The following NUP98 variants were observed in gnomAD, a reference collection of about 807,000 sequenced individuals.
The protein encoded by NUP98 is nuclear pore complex protein Nup98-Nup96.
In NUP98, 26 loss-of-function variants were observed where a neutral mutation model predicts 191.9. The ratio of observed to expected loss-of-function variants is 0.14; its 90% CI spans 0.10 to 0.19. The LOEUF is 0.19. Ranked by LOEUF, NUP98 falls within the 10% of genes least tolerant of loss-of-function variation. The pLI, the probability that NUP98 is intolerant of heterozygous loss-of-function variation, is 1.00. For synonymous variants in NUP98, 808 were observed against 778.4 expected, an observed-to-expected ratio of 1.04 and a Z score of -0.63; for missense variants, 1,941 against 2,178.8, an observed-to-expected ratio of 0.89 and a Z score of 2.17.
rs533725963 is a variant in NUP98 at position 3,795,512 on chromosome 11, T to C, written c.-29+1888A>G. Among the ~76,000 whole-genome samples, 5 of 152,258 alleles carry C rather than the reference T, an allele frequency of 3.3e-5. No individual in the cohort carries two copies. The South Asian group carries it at 1.0e-3, about 32-fold the overall frequency. ...CATAACATATAAACAGCAGGAACTA[T>C]CTTATCTGGGCCCCATATTTCAGGA... On this transcript the variant is annotated intron_variant, in intron 1 of 32. Transcript: ENST00000324932.
In NUP98 at chr11:3,700,611, T is replaced by C; in HGVS notation, c.3741A>G (p.Gln1247=). The C allele has an allele frequency of 6.3e-7, 1 of 1,596,186 alleles. No homozygotes were observed. The highest frequency in any genetic ancestry group is 1.3e-5 in the African/African-American group (1 of 74,622). ...ATTAGAAACATAGTGTGTACTCACT[T>C]TGTGCTTCTGGTAAGTCTCCTGATG... The part of the protein sequence containing the change: ...KEASGDLPEA[Q]IVKHWSLTWT... Residue 1247 remains glutamine, a splice_region_variant and synonymous_variant, in exon 24 of 33, where the codon CAA becomes CAG. Transcript: ENST00000324932.
intron 23 of NUP98, 120 bp downstream of exon 23, chr11:3,702,328 CTCTCTCTCTCTCTCT>C (rs1232570378): frequency 1.2e-3 from 125 of 105,124 alleles, no homozygotes; most frequent in African/African-American, 8.0e-3. Flanking sequence ...CTCTCTCTCT[CTCTCTCTCTCTCTCT>C]CTCTCTCTCT....
rs1464945191 is a variant in NUP98, at chr11:3,782,125, A to C, written c.-8T>G. ...AAATGATTTGTTAAACATCTTCAAA[A>C]TGAGTCTTTGTTTCAGAAAGCTGGG... On this transcript the variant is annotated 5_prime_UTR_variant, in exon 2 of 33. Coordinates refer to ENST00000324932, the MANE Select transcript of NUP98 (RefSeq NM_016320.5). 1.9e-6 allele frequency: 3 copies of C among 1,603,526 alleles called. No homozygotes were observed. Among genetic ancestry groups the C allele is most frequent in the Non-Finnish European group, 2.6e-6 (3 of 1,173,180 alleles).
At chr11:3,682,219 G>A (rs990504549) in intron 30 of NUP98, among the ~76,000 whole-genome samples, 3 of 152,130 alleles carry the variant, frequency 2.0e-5, no homozygotes, top group Non-Finnish European at 1.5e-5. Flanking sequence ...AACTTTCTCC[G>A]CATCAGCCAG....
At chr11:3,683,056 T>TG in intron 30 of NUP98, 144 bp downstream of exon 30, 1 of 1,195,992 alleles carries the variant, frequency 8.4e-7, no homozygotes. Flanking sequence ...AAGCCTCTTC[T>TG]GCAGAGAGCT....
chr11:3,767,842 T>C (rs536473154), intron 8 of NUP98, among the ~76,000 whole-genome samples: 43 of 151,990 alleles, frequency 2.8e-4, no homozygotes, highest in Non-Finnish European at 5.4e-4. Flanking sequence ...AAAAAACTTC[T>C]TTGTATGATT....
At chr11:3,772,160 T>C (rs1490007559) in intron 6 of NUP98, among the ~76,000 whole-genome samples, 1 of 152,138 alleles carries the variant, frequency 6.6e-6, no homozygotes, top group Non-Finnish European at 1.5e-5. Context: ...AATATCTTAA[T>C]CTCAGTTTTC....
At chr11:3,695,375 C>T in intron 26 of NUP98, 74 bp downstream of exon 26, 6 of 1,342,456 alleles carry the variant, frequency 4.5e-6, no homozygotes, top group Middle Eastern at 2.0e-4. Flanking sequence ...AAGATCACTC[C>T]TTGCCTCAAC....
At chr11:3,737,600 C>A (rs1015819191) in intron 12 of NUP98, among the ~76,000 whole-genome samples, 2 of 152,176 alleles carry the variant, frequency 1.3e-5, no homozygotes, top group Admixed American at 6.5e-5. Flanking sequence ...TCACTCTAGC[C>A]TAGGCGACAG....
chr11:3,695,845 C>T (rs1040001553), intron 25 of NUP98, among the ~76,000 whole-genome samples: 33 of 152,094 alleles, frequency 2.2e-4, no homozygotes, highest in Non-Finnish European at 3.4e-4. Context: ...TAGACATCAA[C>T]AACAGATCTA....
chr11:3,729,543 CAAAAAAAAAAAAAAAA>C, intron 14 of NUP98, among the ~76,000 whole-genome samples: 1 of 55,750 alleles, frequency 1.8e-5, no homozygotes, highest in East Asian at 5.0e-4. Context: ...CCTGTATCTC[CAAAAAAAAAAAAAAAA>C]AAAAAAAAAT....
At chr11:3,709,407 T>C (rs1264211640) in intron 20 of NUP98, among the ~76,000 whole-genome samples, 1 of 151,972 alleles carries the variant, frequency 6.6e-6, no homozygotes, top group Admixed American at 6.6e-5. Flanking sequence ...TTTAAAAAAG[T>C]TTAAAACTTA....
At position 3,772,044 on chromosome 11, in the gene NUP98, A is replaced by G. The variant is rs552659994; in HGVS notation, c.604-116T>C. 8.8e-6 allele frequency: 7 copies of G among 799,740 alleles called. No homozygotes were observed. In the South Asian group the frequency reaches 1.4e-4, roughly 16 times the overall value. 49.5% of individuals were successfully genotyped at this position (799,740 alleles called of 1,614,324 possible). A position where few individuals can be genotyped will look rare whatever the true frequency, so the allele number is the denominator to read the frequency against. Reference sequence around the variant, plus strand: ...CTATGTTCACATAGGAACCATAACTAAAAAAGAGAAAACTAAGGAATGACA... The same window carrying G: ...CTATGTTCACATAGGAACCATAACTGAAAAAGAGAAAACTAAGGAATGACA... On this transcript the variant is annotated intron_variant, in intron 6 of 32. Transcript: ENST00000324932.
In NUP98 at chr11:3,699,103, A is replaced by C; in HGVS notation, c.3988T>G (p.Cys1330Gly). The C allele has an allele frequency of 6.2e-7, 1 of 1,612,864 alleles. No individual in the cohort carries two copies. The highest frequency in any genetic ancestry group is 8.5e-7 in the Non-Finnish European group (1 of 1,180,020). The part of the protein sequence containing the change: ...YLTGKRISEA[C>G]SLAQQSGDHR... ...CCACCTGACTGCTGGGCCAGAGAGC[A>C]GGCCTCACTGATCCTTTTGCCTGTG... The change falls in exon 25 of 33, where the codon TGC (cysteine) becomes GGC (glycine). Residue 1330 changes from cysteine to glycine, a missense_variant. Transcript: ENST00000324932.
chr11:3,690,404 C>T (rs1176647381), intron 28 of NUP98, among the ~76,000 whole-genome samples: 8 of 152,014 alleles, frequency 5.3e-5, no homozygotes, highest in Non-Finnish European at 1.0e-4. Flanking sequence ...GGACTACGGG[C>T]GCCCGCCACC....
intron 10 of NUP98, among the ~76,000 whole-genome samples, chr11:3,759,918 T>C (rs2081107740): frequency 6.6e-6 from 1 of 152,012 alleles, no homozygotes; most frequent in East Asian, 1.9e-4. Context: ...AGTGTGATCA[T>C]AGCACACTGC....
At chr11:3,708,488 C>A (rs1005404025) in intron 20 of NUP98, among the ~76,000 whole-genome samples, 3 of 152,092 alleles carry the variant, frequency 2.0e-5, no homozygotes, top group African/African-American at 7.2e-5. Context: ...TTTATTTATT[C>A]TATTCACACA....
chr11:3,738,107 A>AAAAAAAAAAAAAAAACAAAAAAAAACC (rs1554894745), intron 12 of NUP98, among the ~76,000 whole-genome samples: 11 of 147,560 alleles, frequency 7.5e-5, no homozygotes, highest in Non-Finnish European at 1.1e-4. Flanking sequence ...AAAAAAAAAA[A>AAAAAAAAAAAAAAAACAAAAAAAAACC]CCAAAGACTT....
intron 27 of NUP98, 149 bp from the exon 28 acceptor site, chr11:3,691,638 C>A: frequency 1.4e-6 from 1 of 710,732 alleles, no homozygotes. Context: ...ACTGCAACCT[C>A]CGCTTCCCAG....
Sources: gnomAD v4.1 joint callset for allele counts (sites outside exome capture counted in the v4.1 genomes callset) on GRCh38, gnomAD v4.1.1 for gene constraint, MANE v1.5 for transcripts, NCBI Gene and HGNC (gene_info 2026-07-23, HGNC 2026-07-21) for gene names.